CPS1: variants seen among roughly 807,000 people sequenced by gnomAD.
CPS1 encodes the protein carbamoyl-phosphate synthase [ammonia], mitochondrial.
In CPS1, 109 loss-of-function variants were observed where a neutral mutation model predicts 174.6. The observed-to-expected ratio is 0.62, with a 90% CI of 0.53 to 0.73. The LOEUF (loss-of-function observed/expected upper bound fraction) is 0.73. Ranked by LOEUF, CPS1 falls within the 30% of genes least tolerant of loss-of-function variation. CPS1 has a pLI of 0.00. For synonymous variants in CPS1, 637 were observed against 632.0 expected (o/e 1.01, Z -0.12); for missense variants, 1,689 against 1,821.9 (o/e 0.93, Z 1.33).
rs1240797887 is a variant in CPS1 at position 210,606,096 on chromosome 2, G to T, written c.1982-635G>T. The stretch of plus-strand genomic sequence containing the variant: ...ACTGATTATTTAATTTGGCTCTTTT[G>T]GATGTCCAAGAGAACAATTTCATTG... On this transcript the variant is annotated intron_variant, in intron 17 of 37. Transcript: ENST00000233072. Among the ~76,000 whole-genome samples the T allele has an allele frequency of 7.2e-5, 11 of 151,914 alleles. No homozygotes were observed. The East Asian group carries it at 1.8e-3, about 24-fold the overall frequency.
intron 1 of CPS1, among the ~76,000 whole-genome samples, chr2:210,503,423 C>A: frequency 6.6e-6 from 1 of 152,064 alleles, no homozygotes. Flanking sequence ...AAAGTAAAAC[C>A]CCCGGCATAA....
intron 34 of CPS1, among the ~76,000 whole-genome samples, chr2:210,669,530 T>C (rs1330654680): frequency 6.6e-6 from 1 of 152,166 alleles, no homozygotes. Flanking sequence ...TAGGGTGTCT[T>C]AATATTAGCA....
At chr2:210,677,837 A>T (rs1435204208) in intron 37 of CPS1, 50 bp from the exon 38 acceptor site, 1 of 1,387,186 alleles carries the variant, frequency 7.2e-7, no homozygotes, top group Admixed American at 1.7e-5. Context: ...TTCATTAAAA[A>T]TTCACTTTTA....
intron 5 of CPS1, among the ~76,000 whole-genome samples, chr2:210,581,499 T>C (rs1033708311): frequency 2.0e-5 from 3 of 152,160 alleles, no homozygotes; most frequent in African/African-American, 7.2e-5. Flanking sequence ...TAAGATCGTA[T>C]TTCATTCAGC....
At chr2:210,607,929 T>C (rs1312700560) in intron 18 of CPS1, among the ~76,000 whole-genome samples, 1 of 151,932 alleles carries the variant, frequency 6.6e-6, no homozygotes, top group Non-Finnish European at 1.5e-5. Flanking sequence ...CTGACCATTA[T>C]GTACTCTCTT....
At chr2:210,574,395 A>C (rs1333466211) in intron 2 of CPS1, among the ~76,000 whole-genome samples, 6 of 152,074 alleles carry the variant, frequency 3.9e-5, no homozygotes, top group African/African-American at 1.4e-4. Context: ...TGAATATACT[A>C]ATTGACCAAA....
intron 21 of CPS1, among the ~76,000 whole-genome samples, chr2:210,626,089 G>A (rs1699690413): frequency 6.6e-6 from 1 of 151,966 alleles, no homozygotes; most frequent in African/African-American, 2.4e-5. Context: ...GTCTTAATAT[G>A]TTTTTATTAT....
At chr2:210,511,779 AG>A (rs1442701109) in intron 1 of CPS1, among the ~76,000 whole-genome samples, 1 of 152,090 alleles carries the variant, frequency 6.6e-6, no homozygotes, top group Non-Finnish European at 1.5e-5. Context: ...TGAATGAGGG[AG>A]GACTATAGAC....
intron 1 of CPS1, among the ~76,000 whole-genome samples, chr2:210,507,704 CA>C (rs1211815641): frequency 6.7e-6 from 1 of 150,342 alleles, no homozygotes; most frequent in Non-Finnish European, 1.5e-5. Flanking sequence ...AAATGGAAAA[CA>C]AAAAAAGGCA....
intron 21 of CPS1, among the ~76,000 whole-genome samples, chr2:210,624,340 A>C (rs1048468549): frequency 3.9e-5 from 6 of 152,130 alleles, no homozygotes; most frequent in Admixed American, 3.9e-4. Flanking sequence ...GTGAAGTAAC[A>C]AACTTTAAAG....
upstream of CPS1, among the ~76,000 whole-genome samples, chr2:210,554,143 A>ATG (rs905491290): frequency 2.3e-5 from 3 of 133,104 alleles, 1 homozygote; most frequent in African/African-American, 5.2e-5. Context: ...ACATATATAT[A>ATG]TGTATATATA....
chr2:210,481,853 A>G (rs774787367), intron 1 of CPS1, among the ~76,000 whole-genome samples: 32 of 152,248 alleles, frequency 2.1e-4, no homozygotes, highest in Admixed American at 3.3e-4. Flanking sequence ...TTATAGACCT[A>G]GAAGGACACT....
chr2:210,544,977 C>A (rs1418641109), intron 1 of CPS1, among the ~76,000 whole-genome samples: 1 of 151,818 alleles, frequency 6.6e-6, no homozygotes, highest in Non-Finnish European at 1.5e-5. Context: ...TACAGTATGA[C>A]CTGTCTCCTG....
At chr2:210,521,829 C>T (rs538189329) in intron 1 of CPS1, among the ~76,000 whole-genome samples, 1 of 152,032 alleles carries the variant, frequency 6.6e-6, no homozygotes, top group South Asian at 2.1e-4. Context: ...TGCTTCTTTG[C>T]ATGCCTGGTA....
intron 1 of CPS1, among the ~76,000 whole-genome samples, chr2:210,505,246 G>T (rs1016806829): frequency 2.6e-5 from 4 of 151,486 alleles, no homozygotes; most frequent in Non-Finnish European, 5.9e-5. Flanking sequence ...ATATAGGTTG[G>T]TGCAAAAGTA....
At chr2:210,523,114 T>A (rs888210702) in intron 1 of CPS1, among the ~76,000 whole-genome samples, 3 of 152,012 alleles carry the variant, frequency 2.0e-5, no homozygotes. Flanking sequence ...AACTCTCTTT[T>A]CTTATCTAAG....
chr2:210,612,076 A>T, intron 19 of CPS1, 41 bp from the exon 20 acceptor site: 1 of 1,562,820 alleles, frequency 6.4e-7, no homozygotes, highest in Non-Finnish European at 8.8e-7. Context: ...AAGATACATA[A>T]GCTCTTTCTT....
intron 19 of CPS1, among the ~76,000 whole-genome samples, chr2:210,610,490 T>A (rs2105856156): frequency 6.6e-6 from 1 of 152,094 alleles, no homozygotes; most frequent in Non-Finnish European, 1.5e-5. Flanking sequence ...CTGACCCGAA[T>A]AGACAATGAA....
chr2:210,588,800 G>A (rs548037393), intron 7 of CPS1, among the ~76,000 whole-genome samples: 5 of 151,930 alleles, frequency 3.3e-5, no homozygotes, highest in African/African-American at 7.2e-5. Context: ...ACTCTTCATC[G>A]TACCTCCTTA....
Sources: allele counts gnomAD v4.1 joint callset (sites outside exome capture counted in the v4.1 genomes callset), GRCh38; gene constraint gnomAD v4.1.1; transcripts MANE v1.5; gene names NCBI Gene and HGNC (gene_info 2026-07-23, HGNC 2026-07-21).